UGT1A4: variants seen among roughly 807,000 people sequenced by gnomAD.
The protein encoded by UGT1A4 is UDP glucuronosyltransferase family 1 member A4.
In UGT1A4, 32 loss-of-function variants were observed where a neutral mutation model predicts 41.1. The observed-to-expected ratio is 0.78, with a 90% confidence interval of 0.59 to 1.05. The LOEUF (loss-of-function observed/expected upper bound fraction) is 1.05, where lower values mean the gene tolerates loss of function less well. Among genes scored for constraint, UGT1A4 ranks in the 50% least tolerant of loss-of-function variants. The pLI is 0.00. For synonymous variants in UGT1A4, 283 were observed against 265.1 expected, an observed-to-expected ratio of 1.07 and a Z score of -0.66; for missense variants, 748 against 677.4, an observed-to-expected ratio of 1.10 and a Z score of -1.16.
At chr2:233,742,793 T>C (rs1266813463) in intron 1 of UGT1A4, 1 of 152,996 alleles carries the variant, frequency 6.5e-6, no homozygotes, top group Non-Finnish European at 1.5e-5. Context: ...ATCATTAAAT[T>C]AAGCCAGAAG....
At position 233,718,895 on chromosome 2, in the gene UGT1A4, G is replaced by A. The variant is rs1353556395; in HGVS notation, c.75G>A (p.Trp25Ter). 1.9e-6 allele frequency: 3 copies of A among 1,614,026 alleles called. No homozygotes were observed. Among genetic ancestry groups the A allele is most frequent in the Non-Finnish European group, 8.5e-7 (1 of 1,179,928 alleles). The change falls in exon 1 of 5, where the codon TGG becomes TGA. Residue 25 changes from tryptophan to a stop codon, truncating the protein, a stop_gained. Coordinates refer to ENST00000373409, the MANE Select transcript of UGT1A4 (RefSeq NM_007120.3). LOFTEE classifies it high-confidence loss of function. ...TGCTCCTCCTCAGTGTCCAGCCCTG[G>A]GCTGAGAGTGGAAAGGTGTTGGTGG... ...GLLLLLSVQPWAESGKVLVVP... is the reference protein window; with the variant it reads ...GLLLLLSVQP
chr2:233,760,736 C>G lies in UGT1A4; in HGVS notation c.868-6298C>G, dbSNP rs371418452. 6 of 1,614,160 alleles carry G rather than the reference C, an allele frequency of 3.7e-6. No homozygotes were observed. Among genetic ancestry groups the G allele is most frequent in the Non-Finnish European group, 5.1e-6 (6 of 1,180,028 alleles). Reference sequence around the variant, plus strand: ...GAAAGCAGCTTTGATGTCATGCTGACGGACCCTTTCCTTCCTTGCAGCCCC... The same window carrying G: ...GAAAGCAGCTTTGATGTCATGCTGAGGGACCCTTTCCTTCCTTGCAGCCCC... On this transcript the variant is annotated intron_variant, in intron 1 of 4. Coordinates refer to ENST00000373409, the MANE Select transcript of UGT1A4 (RefSeq NM_007120.3).
At chr2:233,720,463 G>A (rs2076862046) in intron 1 of UGT1A4, among the ~76,000 whole-genome samples, 1 of 152,124 alleles carries the variant, frequency 6.6e-6, no homozygotes, top group African/African-American at 2.4e-5. Flanking sequence ...GCTGGGACCA[G>A]TGATGAATGG....
chr2:233,766,611 C>T (rs972496643), intron 1 of UGT1A4, among the ~76,000 whole-genome samples: 4 of 152,176 alleles, frequency 2.6e-5, no homozygotes, highest in African/African-American at 4.8e-5. Flanking sequence ...ACACCCTCTT[C>T]TACCCAGCAC....
chr2:233,743,701 C>T (rs13009407), intron 1 of UGT1A4: 1 of 1,367,252 alleles, frequency 7.3e-7, no homozygotes, highest in Admixed American at 1.9e-5. Context: ...CGCCCTCCGC[C>T]CCCGCCTCGC....
rs771993243 is a variant in UGT1A4, at chr2:233,755,018, C to T, written c.868-12016C>T. On this transcript the variant is annotated intron_variant, in intron 1 of 4. Transcript: ENST00000373409. ...AGCTGAAGACCTACTCGAAGGGGTC[C>T]TTGAAGGGCCTGCCGCCTGCGCAGC... 3.8e-6 allele frequency: 5 copies of T among 1,302,150 alleles called. No homozygotes were observed. The South Asian group carries it at 4.6e-5, about 12-fold the overall frequency. The allele number at this position is 1,302,150 out of a possible 1,614,324, so 80.7% of individuals were successfully genotyped here.
At chr2:233,742,476 C>T (rs1691992737) in intron 1 of UGT1A4, among the ~76,000 whole-genome samples, 1 of 151,926 alleles carries the variant, frequency 6.6e-6, no homozygotes, top group Non-Finnish European at 1.5e-5. Flanking sequence ...AGTAAACTCA[C>T]AACCTTCAGC....
chr2:233,733,427 A>G (rs1444261298), intron 1 of UGT1A4, among the ~76,000 whole-genome samples: 1 of 152,208 alleles, frequency 6.6e-6, no homozygotes, highest in Non-Finnish European at 1.5e-5. Context: ...CCTACTCAGT[A>G]TGATATTGGC....
At chr2:233,758,946 A>G (rs1697025416) in intron 1 of UGT1A4, among the ~76,000 whole-genome samples, 3 of 152,254 alleles carry the variant, frequency 2.0e-5, no homozygotes, top group Admixed American at 1.3e-4. Flanking sequence ...ATCAGTCATC[A>G]GAATTTCCCC....
chr2:233,735,046 T>C (rs895113176), intron 1 of UGT1A4, among the ~76,000 whole-genome samples: 2 of 152,242 alleles, frequency 1.3e-5, no homozygotes, highest in African/African-American at 4.8e-5. Flanking sequence ...GGTGCAGAGC[T>C]GAGTTCAGGT....
chr2:233,755,241 A>G (rs535521102), intron 1 of UGT1A4: 33 of 865,204 alleles, frequency 3.8e-5, no homozygotes, highest in Non-Finnish European at 5.6e-5. Context: ...CTACCGGGGT[A>G]CTCCCAGCAC....
chr2:233,747,935 G>A lies in UGT1A4; in HGVS notation c.868-19099G>A, dbSNP rs926713638. On this transcript the variant is annotated intron_variant, in intron 1 of 4. Transcript: ENST00000373409. The stretch of plus-strand genomic sequence containing the variant: ...GCCTTGCCTCTGAGCTTTTTCAGAG[G>A]GAGGTGTCAGTGGTGGATCTTCTCA... 5.5e-5 allele frequency: 89 copies of A among 1,613,314 alleles called. No individual in the cohort carries two copies. In the Admixed American group the frequency reaches 6.2e-4, roughly 11 times the overall value.
chr2:233,748,167 T>C, intron 1 of UGT1A4: 1 of 1,593,478 alleles, frequency 6.3e-7, no homozygotes, highest in Admixed American at 1.7e-5. Flanking sequence ...CCATATCTAC[T>C]TATCTTTCTG....
Position 233,769,477 on chromosome 2 carries a change from G to T in UGT1A4, c.1307+1038G>T. The T allele has an allele frequency of 6.2e-7, 1 of 1,611,324 alleles. No individual in the cohort carries two copies. The highest frequency in any genetic ancestry group is 8.5e-7 in the Non-Finnish European group (1 of 1,178,664). On this transcript the variant is annotated intron_variant, in intron 4 of 4. Coordinates refer to ENST00000373409, the MANE Select transcript of UGT1A4 (RefSeq NM_007120.3). This position sits in a 1 kb window ranked among gnomAD's most constrained non-coding sequence, Gnocchi z 4.4. Reference sequence around the variant, plus strand: ...TGCATTCATATGCGTGTGTGTGTGTGTGCGTGTGTTTATGAGAGTGTCCAT... The same window carrying T: ...TGCATTCATATGCGTGTGTGTGTGTTTGCGTGTGTTTATGAGAGTGTCCAT...
intron 1 of UGT1A4, among the ~76,000 whole-genome samples, chr2:233,766,608 C>T (rs2126027033): frequency 6.6e-6 from 1 of 152,314 alleles, no homozygotes; most frequent in South Asian, 2.1e-4. Context: ...ACCACACCCT[C>T]TTCTACCCAG....
At chr2:233,728,607 C>G (rs868048236) in intron 1 of UGT1A4, among the ~76,000 whole-genome samples, 1 of 152,210 alleles carries the variant, frequency 6.6e-6, no homozygotes, top group South Asian at 2.1e-4. Flanking sequence ...CCAGCCTCCA[C>G]GCTGTTCAGA....
At position 233,759,475 on chromosome 2, in the gene UGT1A4, C is replaced by T. The variant is rs1697147555; in HGVS notation, c.868-7559C>T. Among the ~76,000 whole-genome samples, 2 of 152,182 alleles carry T rather than the reference C, an allele frequency of 1.3e-5. 1 individual carries two copies. The highest frequency in any genetic ancestry group is 2.9e-5 in the Non-Finnish European group (2 of 68,032). ...AGTTAGCCACTCAAGATCTATCTTA[C>T]AGGACTGGCTCTTTCAGGTTCACAC... is the stretch of plus-strand genomic sequence containing the variant. On this transcript the variant is annotated intron_variant, in intron 1 of 4. Coordinates refer to ENST00000373409, the MANE Select transcript of UGT1A4 (RefSeq NM_007120.3).
At chr2:233,748,975 A>G (rs527445283) in intron 1 of UGT1A4, among the ~76,000 whole-genome samples, 1 of 151,758 alleles carries the variant, frequency 6.6e-6, no homozygotes, top group African/African-American at 2.4e-5. Context: ...AGTGGGATCT[A>G]CTTCTTTACC....
At chr2:233,726,128 C>T (rs2077506214) in intron 1 of UGT1A4, among the ~76,000 whole-genome samples, 1 of 152,282 alleles carries the variant, frequency 6.6e-6, no homozygotes, top group African/African-American at 2.4e-5. Flanking sequence ...TTCACACCAC[C>T]TCACTCCAGC....
Sources: gnomAD v4.1 joint callset for allele counts (sites outside exome capture counted in the v4.1 genomes callset) on GRCh38, gnomAD v4.1.1 for gene constraint, Gnocchi (gnomAD v3.1) non-coding constraint, MANE v1.5 for transcripts, NCBI Gene and HGNC (gene_info 2026-07-23, HGNC 2026-07-21) for gene names.